Variants in PGAP6 observed in about 807,000 individuals in gnomAD.
PGAP6 encodes post-GPI attachment to proteins 6.
PGAP6 carries 62 observed loss-of-function variants against 68.4 expected under a neutral mutation model. That is an observed-to-expected ratio of 0.91 (90% CI 0.74 to 1.12). The LOEUF is 1.12. Ranked by LOEUF, PGAP6 falls within the 50% of genes most tolerant of loss-of-function variation. The pLI is 0.00. For missense variants in PGAP6, 1,188 were observed against 1,068.5 expected (o/e 1.11, Z -1.56); for synonymous variants, 575 against 474.0 (o/e 1.21, Z -2.77).
In PGAP6 at chr16:375,438, G is replaced by C. The variant is rs2054373997; in HGVS notation, c.1225-3C>G. 3 of 1,611,640 alleles carry C rather than the reference G, an allele frequency of 1.9e-6. No individual in the cohort carries two copies. The East Asian group carries it at 6.7e-5, about 36-fold the overall frequency. ...ACGGTCTCGTTCCGCATCTCTGTCTGGAAAGGGAGGCGGTGCCGGCTCAGC... is the reference window on the plus strand; with the variant it reads ...ACGGTCTCGTTCCGCATCTCTGTCTCGAAAGGGAGGCGGTGCCGGCTCAGC... On this transcript the variant is annotated splice_polypyrimidine_tract_variant and splice_region_variant and intron_variant, in intron 6 of 12. Transcript: ENST00000431232.
In PGAP6 at chr16:372,244, A is replaced by G. The variant is rs200920163; in HGVS notation, c.2059T>C (p.Ser687Pro). ...AGGTAGAAGGCCCAGCGCTGCCACG[A>G]GGTGGGGTAGCACTGGCGCCGGTGC... is the stretch of plus-strand genomic sequence containing the variant. ...CGHRRQCYPT[S>P]WQRWAFYLLP... Residue 687 changes from serine (S) to proline (P), a missense_variant, in exon 13 of 13, where the codon TCG (serine) becomes CCG (proline). Coordinates refer to ENST00000431232, the MANE Select transcript of PGAP6 (RefSeq NM_021259.3). 2 of 1,611,924 alleles carry G rather than the reference A, an allele frequency of 1.2e-6. No individual in the cohort carries two copies. Among genetic ancestry groups the G allele is most frequent in the African/African-American group, 2.7e-5 (2 of 75,004 alleles).
chr16:386,726 C>CAAAAAAA, upstream of PGAP6: 2 of 311,114 alleles, frequency 6.4e-6, no homozygotes, highest in East Asian at 8.6e-5. Context: ...AAAAAAAAAC[C>CAAAAAAA]AAAAAAAAAA....
intron 1 of PGAP6, among the ~76,000 whole-genome samples, chr16:381,092 A>G (rs1348896788): frequency 6.6e-6 from 1 of 152,192 alleles, no homozygotes; most frequent in Non-Finnish European, 1.5e-5. Flanking sequence ...GGGAACAGAA[A>G]TGCAAAGGGA....
rs774539748 is a variant in PGAP6 at position 377,058 on chromosome 16, A to G, written c.614T>C (p.Leu205Pro). The stretch of plus-strand genomic sequence containing the variant: ...TCACTTGAGGTAGCTGGGATGGGAG[A>G]GGAGGGTCTGAGGAAGGGGCACGTC... ...EPDVPLPQTLLSHPSYLKVFV... is the reference protein window; with the variant it reads ...EPDVPLPQTLPSHPSYLKVFV... The change falls in exon 4 of 13, where the codon CTC becomes CCC. Residue 205 changes from leucine to proline, a missense_variant. Transcript: ENST00000431232. The G allele has an allele frequency of 3.5e-5, 57 of 1,612,994 alleles. No homozygotes were observed. In the South Asian group the frequency reaches 5.9e-4, roughly 17 times the overall value.
intron 1 of PGAP6, among the ~76,000 whole-genome samples, chr16:380,586 C>T (rs531394523): frequency 6.6e-5 from 10 of 152,130 alleles, no homozygotes; most frequent in South Asian, 2.1e-4. Context: ...AGGCTGGTCT[C>T]GAACTCCTGA....
rs1339639858 is a variant in PGAP6 at position 370,835 on chromosome 16, TAGATC to T, written c.*1147_*1151del. On this transcript the variant is annotated 3_prime_UTR_variant, in exon 13 of 13. Transcript: ENST00000431232. ...GAATATTAAATTCACCAAACACAGATAGATCAGATCTACATAAAAATATGTCTTAA... is the reference window on the plus strand; with the variant it reads ...GAATATTAAATTCACCAAACACAGATAGATCTACATAAAAATATGTCTTAA... 2 of 152,784 alleles carry T rather than the reference TAGATC, an allele frequency of 1.3e-5. No individual in the cohort carries two copies. Among genetic ancestry groups the T allele is most frequent in the African/African-American group, 4.8e-5 (2 of 41,400 alleles). The allele number at this position is 152,784 out of a possible 1,614,324, so 9.5% of individuals were successfully genotyped here.
Position 374,085 on chromosome 16 carries a change from A to T in PGAP6, c.1822T>A (p.Tyr608Asn). 6.2e-7 allele frequency: 1 copy of T among 1,612,064 alleles called. No individual in the cohort carries two copies. The highest frequency in any genetic ancestry group is 8.5e-7 in the Non-Finnish European group (1 of 1,179,942). Reference sequence around the variant, plus strand: ...GCCCCGGAGCCCAAGAAGTCGCAGTACTGCAGCGTGTCGTAGCTGAGGATG... The same window carrying T: ...GCCCCGGAGCCCAAGAAGTCGCAGTTCTGCAGCGTGTCGTAGCTGAGGATG... ...LCILSYDTLQ[Y>N]CDFLGSGAAI... Residue 608 changes from tyrosine to asparagine, a missense_variant, in exon 11 of 13, where the codon TAC (tyrosine) becomes AAC (asparagine). Coordinates refer to ENST00000431232, the MANE Select transcript of PGAP6 (RefSeq NM_021259.3).
At chr16:385,618 ATT>A (rs71139779), upstream of PGAP6, among the ~76,000 whole-genome samples, 24 of 77,014 alleles carry the variant, frequency 3.1e-4, 5 homozygotes, top group African/African-American at 1.3e-3. Context: ...GCCTACTCTG[ATT>A]TTTTTTTTTT....
Position 374,363 on chromosome 16 carries a change from G to A in PGAP6, c.1613C>T (p.Ala538Val). 1 of 1,597,838 alleles carries A rather than the reference G, an allele frequency of 6.3e-7. No individual in the cohort carries two copies. ...RGWSCTDNST[A>V]QTVAQQRAAT... ...CGCCCTCTGCTGGGCCACCGTCTGG[G>A]CTGTGCTGTTGTCCGTGCAGCTCCA... The change falls in exon 10 of 13, where the codon GCC becomes GTC. Residue 538 changes from alanine to valine, a missense_variant. Ala to Val is a moderately conservative substitution (Grantham distance 64). Transcript: ENST00000431232.
chr16:371,692 C>T lies in PGAP6; in HGVS notation c.*295G>A. 2.4e-6 allele frequency: 1 copy of T among 410,568 alleles called. No individual in the cohort carries two copies. Among genetic ancestry groups the T allele is most frequent in the Non-Finnish European group, 4.5e-6 (1 of 220,694 alleles). The allele number at this position is 410,568 out of a possible 1,614,324, so 25.4% of individuals were successfully genotyped here. On this transcript the variant is annotated 3_prime_UTR_variant, in exon 13 of 13. Coordinates refer to ENST00000431232, the MANE Select transcript of PGAP6 (RefSeq NM_021259.3). Reference sequence around the variant, plus strand: ...ACCCACAGGCCAGCAGAGCACACAGCCCCACCCTCGCACAGGCACCTGTGG... The same window carrying T: ...ACCCACAGGCCAGCAGAGCACACAGTCCCACCCTCGCACAGGCACCTGTGG...
At position 377,362 on chromosome 16, in the gene PGAP6, G is replaced by A. The variant is rs1313623518; in HGVS notation, c.507+16C>T. The stretch of plus-strand genomic sequence containing the variant: ...CAAGGTTCTCTGCCTCCATCCCGGA[G>A]GGCAGCCCCCCTCACCTTCAACTCG... On this transcript the variant is annotated intron_variant, in intron 3 of 12. Coordinates refer to ENST00000431232, the MANE Select transcript of PGAP6 (RefSeq NM_021259.3). 1.3e-6 allele frequency: 2 copies of A among 1,575,160 alleles called. No individual in the cohort carries two copies. Among genetic ancestry groups the A allele is most frequent in the Admixed American group, 1.8e-5 (1 of 55,502 alleles).
intron 1 of PGAP6, 59 bp downstream of exon 1, chr16:381,642 C>G: frequency 8.7e-7 from 1 of 1,151,520 alleles, no homozygotes; most frequent in Non-Finnish European, 1.1e-6. Context: ...GTGTCACAAT[C>G]CCGCCCCGCC....
upstream of PGAP6, among the ~76,000 whole-genome samples, chr16:385,279 G>A (rs1278927524): frequency 6.6e-6 from 1 of 151,656 alleles, no homozygotes; most frequent in Non-Finnish European, 1.5e-5. Context: ...TGAGGGCAAT[G>A]GGTAAATAAA....
chr16:376,725 G>C lies in PGAP6; in HGVS notation c.723C>G (p.Leu241=), dbSNP rs1248641929. 6.2e-7 allele frequency: 1 copy of C among 1,611,748 alleles called. No homozygotes were observed. Among genetic ancestry groups the C allele is most frequent in the South Asian group, 1.1e-5 (1 of 91,030 alleles). ...SNGSLGCPVR[L]TVGPVTLPSN... ...TAGGCAGGGTGACCGGGCCCACGGT[G>C]AGACGCACGGGGCAGCCCAGGCTCC... The change falls in exon 5 of 13, where the codon CTC becomes CTG. Residue 241 remains leucine, a synonymous_variant. Coordinates refer to ENST00000431232, the MANE Select transcript of PGAP6 (RefSeq NM_021259.3).
At chr16:382,810 G>A (rs2054455484), upstream of PGAP6, among the ~76,000 whole-genome samples, 1 of 152,166 alleles carries the variant, frequency 6.6e-6, no homozygotes, top group Non-Finnish European at 1.5e-5. Flanking sequence ...ACGAGCCCCC[G>A]ACTGGGAGGT....
At chr16:379,376 C>T (rs1266042984) in intron 1 of PGAP6, among the ~76,000 whole-genome samples, 1 of 152,236 alleles carries the variant, frequency 6.6e-6, no homozygotes, top group Non-Finnish European at 1.5e-5. Context: ...TCCAGGGGAA[C>T]CTGGCGTGGC....
upstream of PGAP6, among the ~76,000 whole-genome samples, chr16:383,797 G>A (rs2054464160): frequency 6.6e-6 from 1 of 152,188 alleles, no homozygotes. Context: ...GATGGCCGCA[G>A]GGACCATACC....
chr16:374,590 G>C (rs1448435318), intron 9 of PGAP6, among the ~76,000 whole-genome samples, 166 bp downstream of exon 9: 1 of 152,098 alleles, frequency 6.6e-6, no homozygotes, highest in East Asian at 1.9e-4. Flanking sequence ...CAGGCAGACG[G>C]ATTGTTGGTG....
upstream of PGAP6, among the ~76,000 whole-genome samples, chr16:385,366 G>T (rs1427569460): frequency 7.3e-6 from 1 of 137,670 alleles, no homozygotes; most frequent in Non-Finnish European, 1.5e-5. Flanking sequence ...AGGCTGGAGT[G>T]CAGTGATGCG....
Sources: gnomAD v4.1 joint callset for allele counts (sites outside exome capture counted in the v4.1 genomes callset) on GRCh38, gnomAD v4.1.1 for gene constraint, MANE v1.5 for transcripts, NCBI Gene and HGNC (gene_info 2026-07-23, HGNC 2026-07-21) for gene names.